Variants in ZNF205 observed in about 807,000 individuals in gnomAD.
ZNF205 encodes zinc finger protein 205.
Under a neutral mutation model 53.6 loss-of-function variants are expected in ZNF205, and 32 were observed. The observed-to-expected ratio is 0.60, with a 90% CI of 0.45 to 0.80. The LOEUF (loss-of-function observed/expected upper bound fraction) is 0.80, where lower values mean the gene tolerates loss of function less well. Ranked by LOEUF, ZNF205 falls within the 30% of genes least tolerant of loss-of-function variation. The pLI is 0.00. For missense variants in ZNF205, 836 were observed against 782.4 expected, an observed-to-expected ratio of 1.07 and a Z score of -0.82; for synonymous variants, 382 against 334.3, an observed-to-expected ratio of 1.14 and a Z score of -1.56.
rs1408279475 is a variant in ZNF205 at position 3,119,483 on chromosome 16, G to A, written c.823G>A (p.Glu275Lys). 1.3e-6 allele frequency: 2 copies of A among 1,591,336 alleles called. No individual in the cohort carries two copies. Among genetic ancestry groups the A allele is most frequent in the African/African-American group, 2.7e-5 (2 of 74,394 alleles). Residue 275 changes from glutamate to lysine, a missense_variant, in exon 7 of 7, where the codon GAG becomes AAG. Glu to Lys is a moderately conservative substitution (Grantham distance 56, BLOSUM62 1). Coordinates refer to ENST00000219091, the MANE Select transcript of ZNF205 (RefSeq NM_001042428.2). Reference sequence around the variant, plus strand: ...AGACCCCAGTCCCACGGAGCCCCAGGAGTACCGCGTCCCGGAGAAGCCCAA... The same window carrying A: ...AGACCCCAGTCCCACGGAGCCCCAGAAGTACCGCGTCCCGGAGAAGCCCAA... ...PPDPSPTEPQ[E>K]YRVPEKPNEE...
chr16:3,113,981 G>T (rs1206125004), intron 2 of ZNF205, among the ~76,000 whole-genome samples: 3 of 152,046 alleles, frequency 2.0e-5, no homozygotes, highest in Admixed American at 6.6e-5. Context: ...CAGGCCAGGG[G>T]CCAGTCCCTG....
intron 5 of ZNF205, among the ~76,000 whole-genome samples, chr16:3,117,204 G>A (rs568272681): frequency 2.0e-5 from 3 of 152,278 alleles, no homozygotes; most frequent in South Asian, 2.1e-4. Flanking sequence ...GGGTTCATCC[G>A]CAGGGCTCAC....
Position 3,118,932 on chromosome 16 carries a change from C to A in ZNF205, c.512C>A (p.Ala171Asp), listed in dbSNP as rs368598089. 2.5e-6 allele frequency: 4 copies of A among 1,613,538 alleles called. No individual in the cohort carries two copies. The African/African-American group carries it at 4.0e-5, about 16-fold the overall frequency. Residue 171 changes from alanine to aspartate, a missense_variant, in exon 6 of 7, where the codon GCC (alanine) becomes GAC (aspartate). Coordinates refer to ENST00000219091, the MANE Select transcript of ZNF205 (RefSeq NM_001042428.2). ...LGFPFSRPFW[A>D]PQAHGKGEAS... ...TTTCCCTTCAGCAGGCCTTTCTGGGCCCCTCAAGCGCACGGCAAGGGTGAG... is the reference window on the plus strand; with the variant it reads ...TTTCCCTTCAGCAGGCCTTTCTGGGACCCTCAAGCGCACGGCAAGGGTGAG...
Position 3,115,341 on chromosome 16 carries a change from G to T in ZNF205, c.58-14G>T, listed in dbSNP as rs191159109. ...TCCCACTCATCTGGGTGCTGATGGG[G>T]CTGTCCTTTCTAGGTTCCAGATCGT... On this transcript the variant is annotated splice_polypyrimidine_tract_variant and intron_variant, in intron 2 of 6. Coordinates refer to ENST00000219091, the MANE Select transcript of ZNF205 (RefSeq NM_001042428.2). 8.3e-5 allele frequency: 131 copies of T among 1,570,614 alleles called. No individual in the cohort carries two copies. The African/African-American group carries it at 1.6e-3, about 20-fold the overall frequency.
In ZNF205 at chr16:3,119,856, A is replaced by T; in HGVS notation, c.1196A>T (p.Lys399Met). ...EKPYVCDRCA[K>M]RFTRRSDLVT... ...CCCTACGTGTGCGACCGCTGCGCCA[A>T]GCGCTTCACCCGCCGCTCGGACTTG... Residue 399 changes from lysine to methionine, a missense_variant, in exon 7 of 7, where the codon AAG becomes ATG. Lys to Met is a moderately conservative substitution (Grantham distance 95). Coordinates refer to ENST00000219091, the MANE Select transcript of ZNF205 (RefSeq NM_001042428.2). 6.2e-7 allele frequency: 1 copy of T among 1,613,162 alleles called. No homozygotes were observed. The highest frequency in any genetic ancestry group is 8.5e-7 in the Non-Finnish European group (1 of 1,179,826).
chr16:3,119,630 G>C lies in ZNF205; in HGVS notation c.970G>C (p.Val324Leu), dbSNP rs754833667. The change falls in exon 7 of 7, where the codon GTG becomes CTG. Residue 324 changes from valine to leucine, a missense_variant. Transcript: ENST00000219091. ...GKGFSWHSHL[V>L]THRRTHTGEK... ...GGGCTTCAGCTGGCACTCGCACCTG[G>C]TGACGCACCGGCGCACGCACACGGG... The C allele has an allele frequency of 5.6e-6, 9 of 1,611,574 alleles. No homozygotes were observed. Among genetic ancestry groups the C allele is most frequent in the Non-Finnish European group, 6.8e-6 (8 of 1,179,312 alleles).
At chr16:3,115,639 T>C in intron 3 of ZNF205, 71 bp downstream of exon 3, 1 of 1,490,022 alleles carries the variant, frequency 6.7e-7, no homozygotes, top group Non-Finnish European at 8.9e-7. Flanking sequence ...TTGGCCCAGG[T>C]CCAGGTGGGG....
chr16:3,115,711 G>A lies in ZNF205; in HGVS notation c.272-118G>A, dbSNP rs552756161. Reference sequence around the variant, plus strand: ...CCATGGCCCACAGCCCCCTGGCAGCGTCAGAGCCATCCGACCCTGTCCTTG... The same window carrying A: ...CCATGGCCCACAGCCCCCTGGCAGCATCAGAGCCATCCGACCCTGTCCTTG... On this transcript the variant is annotated intron_variant, in intron 3 of 6. Transcript: ENST00000219091. 104 of 1,390,298 alleles carry A rather than the reference G, an allele frequency of 7.5e-5. No homozygotes were observed. In the East Asian group the frequency reaches 2.2e-3, roughly 29 times the overall value. 86.1% of individuals were successfully genotyped at this position (1,390,298 alleles called of 1,614,324 possible).
intron 5 of ZNF205, among the ~76,000 whole-genome samples, chr16:3,118,550 C>A (rs1957374580): frequency 6.6e-6 from 1 of 152,204 alleles, no homozygotes; most frequent in East Asian, 1.9e-4. Flanking sequence ...CGTTGGAGAT[C>A]CTGGCCCTCC....
At chr16:3,116,836 C>T (rs1345764678) in intron 5 of ZNF205, among the ~76,000 whole-genome samples, 1 of 152,184 alleles carries the variant, frequency 6.6e-6, no homozygotes, top group African/African-American at 2.4e-5. Flanking sequence ...GCTCTGTCAC[C>T]CAGGCTGGAA....
intron 2 of ZNF205, 86 bp from the exon 3 acceptor site, chr16:3,115,269 G>T: frequency 9.0e-7 from 1 of 1,115,412 alleles, no homozygotes; most frequent in African/African-American, 1.6e-5. Context: ...TTGCATGTTG[G>T]TTTCCGACGC....
Position 3,119,851 on chromosome 16 carries a change from C to T in ZNF205, c.1191C>T (p.Cys397=), listed in dbSNP as rs200002812. 3.7e-6 allele frequency: 6 copies of T among 1,613,296 alleles called. No individual in the cohort carries two copies. The East Asian group carries it at 8.9e-5, about 24-fold the overall frequency. The part of the protein sequence containing the change: ...TGEKPYVCDR[C]AKRFTRRSDL... Reference sequence around the variant, plus strand: ...AGAAGCCCTACGTGTGCGACCGCTGCGCCAAGCGCTTCACCCGCCGCTCGG... The same window carrying T: ...AGAAGCCCTACGTGTGCGACCGCTGTGCCAAGCGCTTCACCCGCCGCTCGG... Residue 397 remains cysteine, a synonymous_variant, in exon 7 of 7, where the codon TGC becomes TGT. Transcript: ENST00000219091.
rs570655280 is a variant in ZNF205, at chr16:3,112,720, A to C, written c.-15+38A>C. 18 of 272,824 alleles carry C rather than the reference A, an allele frequency of 6.6e-5. No individual in the cohort carries two copies. In the East Asian group the frequency reaches 1.6e-3, roughly 24 times the overall value. The allele number at this position is 272,824 out of a possible 1,614,324, so 16.9% of individuals were successfully genotyped here. On this transcript the variant is annotated intron_variant, in intron 1 of 6. Transcript: ENST00000219091. ...TGCTGGGGAGGGCATCTGGATCCCG[A>C]GACCGGCGCAGATGATCAGCTTGCA...
intron 5 of ZNF205, among the ~76,000 whole-genome samples, chr16:3,117,193 T>C (rs1487105735): frequency 6.6e-6 from 1 of 152,200 alleles, no homozygotes; most frequent in African/African-American, 2.4e-5. Flanking sequence ...CCGCTTTTCC[T>C]GGGTTCATCC....
chr16:3,119,120 G>T, intron 6 of ZNF205, 105 bp downstream of exon 6: 1 of 1,512,260 alleles, frequency 6.6e-7, no homozygotes, highest in South Asian at 1.3e-5. Context: ...CCCCTCCTGG[G>T]CGGTTTGCGC....
In ZNF205 at chr16:3,119,652, C is replaced by G. The variant is rs774670192; in HGVS notation, c.992C>G (p.Thr331Arg). ...CTGGTGACGCACCGGCGCACGCACA[C>G]GGGCGAGAAGCCCTACGCCTGCACT... ...SHLVTHRRTH[T>R]GEKPYACTDC... The change falls in exon 7 of 7, where the codon ACG (threonine) becomes AGG (arginine). Residue 331 changes from threonine (T) to arginine (R), a missense_variant. Transcript: ENST00000219091. 1.9e-5 allele frequency: 31 copies of G among 1,612,470 alleles called. No homozygotes were observed. The highest frequency in any genetic ancestry group is 5.3e-5 in the African/African-American group (4 of 74,884).
chr16:3,119,651 A>T lies in ZNF205; in HGVS notation c.991A>T (p.Thr331Ser). The change falls in exon 7 of 7, where the codon ACG becomes TCG. Residue 331 changes from threonine (T) to serine (S), a missense_variant. By Grantham distance (58) the Thr-to-Ser change is moderately conservative. Coordinates refer to ENST00000219091, the MANE Select transcript of ZNF205 (RefSeq NM_001042428.2). ...SHLVTHRRTH[T>S]GEKPYACTDC... Reference sequence around the variant, plus strand: ...CCTGGTGACGCACCGGCGCACGCACACGGGCGAGAAGCCCTACGCCTGCAC... The same window carrying T: ...CCTGGTGACGCACCGGCGCACGCACTCGGGCGAGAAGCCCTACGCCTGCAC... 2 of 1,612,624 alleles carry T rather than the reference A, an allele frequency of 1.2e-6. No homozygotes were observed. Among genetic ancestry groups the T allele is most frequent in the Non-Finnish European group, 1.7e-6 (2 of 1,179,598 alleles).
intron 2 of ZNF205, 75 bp downstream of exon 2, chr16:3,113,562 C>T: frequency 6.5e-7 from 1 of 1,533,638 alleles, no homozygotes. Context: ...GGCACAGAGT[C>T]TGGACCCCTG....
chr16:3,115,649 G>A (rs1322009535), intron 3 of ZNF205, 81 bp downstream of exon 3: 5 of 1,465,790 alleles, frequency 3.4e-6, no homozygotes, highest in Non-Finnish European at 4.5e-6. Context: ...TCCAGGTGGG[G>A]CTGAGGGTCT....
Sources: allele counts gnomAD v4.1 joint callset (sites outside exome capture counted in the v4.1 genomes callset), GRCh38; gene constraint gnomAD v4.1.1; transcripts MANE v1.5; gene names NCBI Gene and HGNC (gene_info 2026-07-23, HGNC 2026-07-21).